The following SCARA3 variants were observed in gnomAD, a reference collection of about 807,000 sequenced individuals.
SCARA3 encodes scavenger receptor class A member 3.
A neutral mutation model predicts 47.0 loss-of-function variants in SCARA3; 39 were observed. The observed-to-expected ratio is 0.83, with a 90% CI of 0.64 to 1.08. The LOEUF is 1.08. SCARA3 is among the 50% of genes least tolerant of loss of function. The probability of loss-of-function intolerance (pLI) is 0.00; values close to 1 mark genes in which losing one functional copy is unlikely to be tolerated. For missense variants in SCARA3, 724 were observed against 792.3 expected, an observed-to-expected ratio of 0.91 and a Z score of 1.04; for synonymous variants, 356 against 334.1, an observed-to-expected ratio of 1.07 and a Z score of -0.71.
chr8:27,712,399 T>C, the SCARA3 span, among the ~76,000 whole-genome samples: 1 of 151,242 alleles, frequency 6.6e-6, no homozygotes, highest in African/African-American at 2.4e-5. Context: ...CCGTCTCTAC[T>C]AAAAATACAA....
intron 3 of SCARA3, among the ~76,000 whole-genome samples, chr8:27,652,042 G>A (rs1386995625): frequency 6.6e-6 from 1 of 152,212 alleles, no homozygotes; most frequent in Non-Finnish European, 1.5e-5. Flanking sequence ...TGGATTGAGT[G>A]ACTTCTAAGC....
Position 27,633,958 on chromosome 8 carries a change from C to CGGCGG in SCARA3, c.-238_-234dup, listed in dbSNP as rs1801189999. On this transcript the variant is annotated 5_prime_UTR_variant, in exon 1 of 6. The change abolishes the stop of an existing upstream ORF in the 5' untranslated region. Transcript: ENST00000301904. ...GCGGCGGCGGGATGCGCGCTCTGGGCGGCGGGGCGCGGCGCTAGGCGCCCG... is the reference window on the plus strand; with the variant it reads ...GCGGCGGCGGGATGCGCGCTCTGGGCGGCGGGGCGGGGCGCGGCGCTAGGCGCCCG... 5.5e-6 allele frequency: 1 copy of CGGCGG among 183,388 alleles called. No homozygotes were observed. Among genetic ancestry groups the CGGCGG allele is most frequent in the South Asian group, 1.7e-4 (1 of 5,870 alleles). The allele number at this position is 183,388 out of a possible 1,614,324, so 11.4% of individuals were successfully genotyped here.
the SCARA3 span, among the ~76,000 whole-genome samples, chr8:27,693,861 T>C: frequency 1.3e-5 from 2 of 152,196 alleles, no homozygotes; most frequent in African/African-American, 2.4e-5. Flanking sequence ...AGTGTTTAAA[T>C]CTACCTATGA....
chr8:27,658,686 C>A lies in SCARA3; in HGVS notation c.516C>A (p.Gly172=). The change falls in exon 5 of 6, where the codon GGC becomes GGA. Residue 172 remains glycine, a synonymous_variant. Transcript: ENST00000301904. ...TTSRQISQEM[G]SCSFSIHQVN... ...GCAGACAAATCTCCCAGGAGATGGG[C>A]AGTTGCTCCTTCTCCATCCACCAGG... The A allele has an allele frequency of 6.2e-7, 1 of 1,614,064 alleles. No homozygotes were observed.
downstream of SCARA3, among the ~76,000 whole-genome samples, chr8:27,675,285 AG>A (rs1802256555): frequency 6.6e-6 from 1 of 152,158 alleles, no homozygotes; most frequent in African/African-American, 2.4e-5. Context: ...GCGGGAGAGG[AG>A]AGCAGAGAGC....
chr8:27,712,854 C>T, the SCARA3 span, among the ~76,000 whole-genome samples: 2,906 of 151,700 alleles, frequency 0.019, 97 homozygotes, highest in African/African-American at 0.067. Flanking sequence ...TTTTAAAATG[C>T]TATTTTTTAG....
At chr8:27,675,836 C>A (rs28660685), downstream of SCARA3, among the ~76,000 whole-genome samples, 1,523 of 144,860 alleles carry the variant, frequency 0.011, 17 homozygotes, top group African/African-American at 0.036. Context: ...GCCTCCCCCC[C>A]AGAAACTCTG....
In SCARA3 at chr8:27,671,618, A is replaced by G. The variant is rs1281047764; in HGVS notation, c.*267A>G. 4 of 1,184,262 alleles carry G rather than the reference A, an allele frequency of 3.4e-6. No homozygotes were observed. Among genetic ancestry groups the G allele is most frequent in the Non-Finnish European group, 4.2e-6 (4 of 950,664 alleles). 73.4% of individuals were successfully genotyped at this position (1,184,262 alleles called of 1,614,324 possible). A position where few individuals can be genotyped will look rare whatever the true frequency, so the allele number is the denominator to read the frequency against. ...CACATGCACACATACACATGCATGC[A>G]CACATACACAGGCATACATGCATGC... On this transcript the variant is annotated 3_prime_UTR_variant, in exon 6 of 6. Coordinates refer to ENST00000301904, the MANE Select transcript of SCARA3 (RefSeq NM_016240.3).
At chr8:27,641,788 A>C (rs969201864) in intron 1 of SCARA3, among the ~76,000 whole-genome samples, 4 of 152,184 alleles carry the variant, frequency 2.6e-5, no homozygotes, top group Non-Finnish European at 5.9e-5. Context: ...TAGAGATGAG[A>C]CAGTAAATCC....
At chr8:27,656,157 A>T (rs940127492) in intron 3 of SCARA3, among the ~76,000 whole-genome samples, 1 of 152,246 alleles carries the variant, frequency 6.6e-6, no homozygotes, top group Non-Finnish European at 1.5e-5. Flanking sequence ...ACAATAAGAT[A>T]TTCTCAGATA....
chr8:27,703,360 G>C, the SCARA3 span: 2 of 152,596 alleles, frequency 1.3e-5, no homozygotes, highest in Admixed American at 1.3e-4. Flanking sequence ...GAGAAAACAG[G>C]AGAGTAGCAA....
the SCARA3 span, among the ~76,000 whole-genome samples, chr8:27,729,046 C>G: frequency 6.6e-6 from 1 of 152,120 alleles, no homozygotes; most frequent in Admixed American, 6.6e-5. Context: ...GCCTAGGCAA[C>G]AGAGCAAGAC....
chr8:27,726,545 A>T, the SCARA3 span, among the ~76,000 whole-genome samples: 219 of 152,102 alleles, frequency 1.4e-3, 1 homozygote, highest in African/African-American at 4.8e-3. Context: ...AAAAATATTT[A>T]AAAAATTAGC....
At chr8:27,698,666 A>G in the SCARA3 span, among the ~76,000 whole-genome samples, 1 of 152,258 alleles carries the variant, frequency 6.6e-6, no homozygotes. Context: ...TACCAATATC[A>G]TAATATAGAA....
the SCARA3 span, among the ~76,000 whole-genome samples, chr8:27,698,992 C>G: frequency 6.6e-6 from 1 of 152,072 alleles, no homozygotes; most frequent in Non-Finnish European, 1.5e-5. Context: ...CGCCTGTAAT[C>G]TCAGCACTCT....
intron 1 of SCARA3, among the ~76,000 whole-genome samples, chr8:27,646,966 G>GCGCCCCCCCCCCCCCCC (rs1801509553): frequency 3.4e-5 from 1 of 29,844 alleles, no homozygotes; most frequent in Non-Finnish European, 5.9e-5. Flanking sequence ...ACCCCTGACC[G>GCGCCCCCCCCCCCCCCC]CCCCCGCCCC....
intron 5 of SCARA3, among the ~76,000 whole-genome samples, chr8:27,660,293 GTA>G (rs1013092722): frequency 2.0e-5 from 3 of 151,636 alleles, no homozygotes; most frequent in Admixed American, 6.6e-5. Flanking sequence ...AATCAATAGT[GTA>G]TATATATATA....
At chr8:27,655,801 G>A (rs1006003018) in intron 3 of SCARA3, among the ~76,000 whole-genome samples, 1 of 152,166 alleles carries the variant, frequency 6.6e-6, no homozygotes, top group Non-Finnish European at 1.5e-5. Flanking sequence ...AGAGTGCCAT[G>A]CAGATACCAA....
downstream of SCARA3, among the ~76,000 whole-genome samples, chr8:27,680,678 G>C (rs1056212065): frequency 6.6e-6 from 1 of 151,988 alleles, no homozygotes; most frequent in Non-Finnish European, 1.5e-5. Flanking sequence ...AACCAGTAAG[G>C]TACAAGAAAA....
Sources: allele counts gnomAD v4.1 joint callset (sites outside exome capture counted in the v4.1 genomes callset), GRCh38; gene constraint gnomAD v4.1.1; transcripts MANE v1.5; gene names NCBI Gene and HGNC (gene_info 2026-07-23, HGNC 2026-07-21).